SRBD1: variants seen among roughly 807,000 people sequenced by gnomAD.
SRBD1 encodes S1 RNA-binding domain-containing protein 1.
In SRBD1, 88 loss-of-function variants were observed where a neutral mutation model predicts 115.3. That is an observed-to-expected ratio of 0.76 (90% CI 0.64 to 0.91). SRBD1 has a LOEUF of 0.91. Among genes scored for constraint, SRBD1 ranks in the 40% least tolerant of loss-of-function variants. The pLI, the probability that SRBD1 is intolerant of heterozygous loss-of-function variation, is 0.00. For missense variants in SRBD1, 1,385 were observed against 1,177.4 expected (o/e 1.18, Z -2.58); for synonymous variants, 509 against 407.7 (o/e 1.25, Z -2.99).
At position 45,576,052 on chromosome 2, in the gene SRBD1, G is replaced by T. The variant is rs547970371; in HGVS notation, c.1073-1329C>A. Among the ~76,000 whole-genome samples, 191 of 152,134 alleles carry T rather than the reference G, an allele frequency of 1.3e-3. 1 individual carries two copies. Among genetic ancestry groups the T allele is most frequent in the African/African-American group, 4.6e-3 (189 of 41,496 alleles). On this transcript the variant is annotated intron_variant, in intron 7 of 20. Coordinates refer to ENST00000263736, the MANE Select transcript of SRBD1 (RefSeq NM_018079.5). ...AATAAAAGTTGGAACAAGGGTGCCT[G>T]CCTCTCGTCACCCCTTCCACCTCCT...
At chr2:45,414,636 A>T (rs1197924446) in intron 18 of SRBD1, among the ~76,000 whole-genome samples, 9 of 67,466 alleles carry the variant, frequency 1.3e-4, no homozygotes, top group Non-Finnish European at 3.3e-4. Context: ...GTGTGTATAT[A>T]GTGTGTATAT....
chr2:45,569,671 T>G (rs1672950088), intron 9 of SRBD1, among the ~76,000 whole-genome samples: 1 of 152,008 alleles, frequency 6.6e-6, no homozygotes, highest in Admixed American at 6.6e-5. Context: ...ATTTCAAATC[T>G]CCCCCTTCCT....
chr2:45,440,626 C>T (rs1465356973), intron 16 of SRBD1, among the ~76,000 whole-genome samples: 1 of 152,150 alleles, frequency 6.6e-6, no homozygotes, highest in African/African-American at 2.4e-5. Flanking sequence ...AAGGAGTTGA[C>T]ATTTCCACTG....
intron 10 of SRBD1, among the ~76,000 whole-genome samples, chr2:45,562,359 G>A (rs13397609): frequency 2.6e-5 from 4 of 151,864 alleles, no homozygotes; most frequent in South Asian, 4.2e-4. Flanking sequence ...CCTAAGTAGC[G>A]GGGATTACAG....
chr2:45,495,478 C>T (rs1477687412), intron 14 of SRBD1, among the ~76,000 whole-genome samples: 2 of 152,188 alleles, frequency 1.3e-5, no homozygotes, highest in African/African-American at 4.8e-5. Flanking sequence ...ATCTCACTCT[C>T]TCTCTCTCTT....
intron 16 of SRBD1, among the ~76,000 whole-genome samples, chr2:45,461,699 TATTA>T (rs1669323069): frequency 6.6e-6 from 1 of 151,980 alleles, no homozygotes; most frequent in Non-Finnish European, 1.5e-5. Context: ...TCTTACAAGA[TATTA>T]ATTTTCTTTT....
At chr2:45,434,476 A>AT (rs1043378851) in intron 16 of SRBD1, among the ~76,000 whole-genome samples, 17 of 151,710 alleles carry the variant, frequency 1.1e-4, no homozygotes, top group South Asian at 2.1e-4. Context: ...TTGGCAAACA[A>AT]TTTTTTTTTG....
intron 16 of SRBD1, among the ~76,000 whole-genome samples, chr2:45,468,978 T>G (rs371805169): frequency 6.6e-6 from 1 of 152,150 alleles, no homozygotes; most frequent in Non-Finnish European, 1.5e-5. Flanking sequence ...AGAGAGAAAT[T>G]TTTTCATAGC....
At chr2:45,492,182 T>C (rs994632420) in intron 14 of SRBD1, among the ~76,000 whole-genome samples, 2 of 152,202 alleles carry the variant, frequency 1.3e-5, no homozygotes, top group Non-Finnish European at 2.9e-5. Context: ...AAGCTAATCA[T>C]TAATCAATAT....
chr2:45,544,989 C>T (rs527403174), intron 14 of SRBD1, among the ~76,000 whole-genome samples: 5 of 152,056 alleles, frequency 3.3e-5, no homozygotes, highest in South Asian at 2.1e-4. Flanking sequence ...ATGATTAAAA[C>T]AAAAGATGAG....
At chr2:45,398,875 C>T (rs1174827186) in intron 19 of SRBD1, among the ~76,000 whole-genome samples, 3 of 152,080 alleles carry the variant, frequency 2.0e-5, no homozygotes, top group African/African-American at 7.2e-5. Flanking sequence ...ATAATTTAAA[C>T]AACTGTACGT....
intron 16 of SRBD1, among the ~76,000 whole-genome samples, chr2:45,459,885 A>C (rs935750232): frequency 1.3e-5 from 2 of 152,086 alleles, no homozygotes; most frequent in African/African-American, 4.8e-5. Flanking sequence ...AATGTTTCTG[A>C]AATTTTAGTT....
At chr2:45,444,415 T>G (rs1339687653) in intron 16 of SRBD1, among the ~76,000 whole-genome samples, 2 of 152,226 alleles carry the variant, frequency 1.3e-5, no homozygotes, top group Non-Finnish European at 2.9e-5. Context: ...CTTGTTAATA[T>G]GTAAAGACAT....
intron 14 of SRBD1, among the ~76,000 whole-genome samples, chr2:45,521,639 C>G (rs1194194123): frequency 6.6e-6 from 1 of 152,056 alleles, no homozygotes; most frequent in Non-Finnish European, 1.5e-5. Context: ...TGTATATTTA[C>G]ACTCCTACAT....
chr2:45,590,427 T>G (rs10184435), intron 4 of SRBD1, among the ~76,000 whole-genome samples: 1 of 152,020 alleles, frequency 6.6e-6, no homozygotes, highest in African/African-American at 2.4e-5. Flanking sequence ...GGAGTTGATA[T>G]GGTTTGGCTC....
chr2:45,527,452 A>T (rs1671480185), intron 14 of SRBD1, among the ~76,000 whole-genome samples: 1 of 151,850 alleles, frequency 6.6e-6, no homozygotes, highest in African/African-American at 2.4e-5. Context: ...TCTCATGGAG[A>T]ATGTATCTGA....
chr2:45,477,191 C>T (rs1244920527), intron 15 of SRBD1, 116 bp from the exon 16 acceptor site: 9 of 763,240 alleles, frequency 1.2e-5, no homozygotes, highest in Non-Finnish European at 1.6e-5. Context: ...CTCATCATCC[C>T]TCTAAAAAAG....
intron 19 of SRBD1, among the ~76,000 whole-genome samples, chr2:45,395,659 A>T (rs185674774): frequency 6.6e-6 from 1 of 152,308 alleles, no homozygotes; most frequent in Non-Finnish European, 1.5e-5. Flanking sequence ...AAACTTTCTT[A>T]AAGTTAACAA....
chr2:45,390,232 C>G (rs1442369566), intron 20 of SRBD1, among the ~76,000 whole-genome samples: 1 of 152,170 alleles, frequency 6.6e-6, no homozygotes, highest in Admixed American at 6.5e-5. Context: ...TATTCTTTCT[C>G]TTCTTTCAAT....
Sources: allele counts gnomAD v4.1 joint callset (sites outside exome capture counted in the v4.1 genomes callset), GRCh38; gene constraint gnomAD v4.1.1; transcripts MANE v1.5; gene names NCBI Gene and HGNC (gene_info 2026-07-23, HGNC 2026-07-21).